The following HMSD variants were observed in gnomAD, a reference collection of about 807,000 sequenced individuals.
The protein encoded by HMSD is histocompatibility minor serpin domain containing.
Under a neutral mutation model 10.0 loss-of-function variants are expected in HMSD, and 13 were observed. That is an observed-to-expected ratio of 1.31 (90% CI 0.85 to 2.08). HMSD has a LOEUF of 2.08. Among genes scored for constraint, HMSD ranks in the 30% most tolerant of loss-of-function variants. The pLI is 0.00. For missense variants in HMSD, 169 were observed against 166.3 expected (o/e 1.02, Z -0.09); for synonymous variants, 51 against 54.2 (o/e 0.94, Z 0.26).
chr18:63,966,971 T>C (rs2050412350), intron 3 of HMSD: 1 of 152,254 alleles, frequency 6.6e-6, no homozygotes, highest in African/African-American at 2.4e-5. Flanking sequence ...GAAGCAAGTG[T>C]GTTTTGTTTT....
At position 63,960,353 on chromosome 18, in the gene HMSD, T is replaced by C. The variant is rs746081947; in HGVS notation, c.418T>C (p.Ter140GlnextTer39). ...IVSSLQNCQI[*>Q] Reference sequence around the variant, plus strand: ...CAGTTCTTTACAAAACTGTCAAATATAAAAAGGAGTCCTTTTTTCTCTAAA... The same window carrying C: ...CAGTTCTTTACAAAACTGTCAAATACAAAAAGGAGTCCTTTTTTCTCTAAA... Residue 140 changes from the stop codon to glutamine, a stop_lost, in exon 4 of 4, where the codon TAA becomes CAA. Transcript: ENST00000408945. 24 of 1,572,634 alleles carry C rather than the reference T, an allele frequency of 1.5e-5. No homozygotes were observed. Among genetic ancestry groups the C allele is most frequent in the South Asian group, 2.4e-5 (2 of 84,520 alleles).
chr18:63,963,081 CTTTCTTTCTT>C (rs1486357163), downstream of HMSD, among the ~76,000 whole-genome samples: 283 of 78,542 alleles, frequency 3.6e-3, 2 homozygotes, highest in Middle Eastern at 0.013. Flanking sequence ...CTCTTTCTTT[CTTTCTTTCTT>C]TCTTTCTTTC....
chr18:63,952,196 G>A (rs968015339), intron 1 of HMSD, among the ~76,000 whole-genome samples: 2 of 150,558 alleles, frequency 1.3e-5, no homozygotes, highest in Non-Finnish European at 3.0e-5. Context: ...GCTAGATGAC[G>A]AGTTAGTGGG....
Position 63,950,306 on chromosome 18 carries a change from C to T in HMSD, c.-103+906C>T, listed in dbSNP as rs2050322673. The stretch of plus-strand genomic sequence containing the variant: ...TGACATGGGCCTGTAGTCCCAGCTA[C>T]TCAGGAGGCTGAGGCAGAAGAATCG... On this transcript the variant is annotated intron_variant, in intron 1 of 3. Transcript: ENST00000408945. Among the ~76,000 whole-genome samples the T allele has an allele frequency of 2.0e-5, 3 of 149,396 alleles. No individual in the cohort carries two copies. In the South Asian group the frequency reaches 6.4e-4, roughly 32 times the overall value.
At chr18:63,962,890 T>C (rs892934408), downstream of HMSD, among the ~76,000 whole-genome samples, 1 of 152,006 alleles carries the variant, frequency 6.6e-6, no homozygotes, top group Non-Finnish European at 1.5e-5. Flanking sequence ...GAGGGAGGTT[T>C]CCAGTCCTGA....
chr18:63,959,620 G>A (rs754467121), intron 3 of HMSD, among the ~76,000 whole-genome samples: 37 of 152,276 alleles, frequency 2.4e-4, no homozygotes, highest in Non-Finnish European at 4.3e-4. Context: ...ACTCTTGTTG[G>A]ATGAAGTAGT....
chr18:63,958,662 A>G (rs183291457), intron 3 of HMSD, among the ~76,000 whole-genome samples: 61 of 152,284 alleles, frequency 4.0e-4, no homozygotes, highest in Middle Eastern at 6.8e-3. Context: ...AATGCTATGC[A>G]TTATGTACAT....
chr18:63,965,960 G>A (rs901756661), downstream of HMSD, among the ~76,000 whole-genome samples: 1 of 152,122 alleles, frequency 6.6e-6, no homozygotes, highest in Non-Finnish European at 1.5e-5. Flanking sequence ...AGGCACATGC[G>A]AAGAGGGACC....
intron 3 of HMSD, among the ~76,000 whole-genome samples, chr18:63,967,655 G>A (rs1301311062): frequency 6.6e-6 from 1 of 152,152 alleles, no homozygotes; most frequent in Non-Finnish European, 1.5e-5. Context: ...ACAAAACTAG[G>A]TCAAGGTTGA....
In HMSD at chr18:63,953,520, T is replaced by A; in HGVS notation, c.65T>A (p.Met22Lys). 1 of 1,613,712 alleles carries A rather than the reference T, an allele frequency of 6.2e-7. No individual in the cohort carries two copies. Among genetic ancestry groups the A allele is most frequent in the Non-Finnish European group, 8.5e-7 (1 of 1,179,624 alleles). The change falls in exon 2 of 4, where the codon ATG (methionine) becomes AAG (lysine). Residue 22 changes from methionine (M) to lysine (K), a missense_variant. Coordinates refer to ENST00000408945, the MANE Select transcript of HMSD (RefSeq NM_001123366.2). ...GCAAAGGGAAACACTGCAGCTCAGATGTCTCAGGTACGTAAAGCCACTTCA... is the reference window on the plus strand; with the variant it reads ...GCAAAGGGAAACACTGCAGCTCAGAAGTCTCAGGTACGTAAAGCCACTTCA... Reference protein sequence around the residue: ...MGAKGNTAAQMSQALCFSKIG... With the variant: ...MGAKGNTAAQKSQALCFSKIG...
Position 63,961,448 on chromosome 18 carries a change from C to T in HMSD, c.*1093C>T, listed in dbSNP as rs184421316. 6 of 152,348 alleles carry T rather than the reference C, an allele frequency of 3.9e-5. No homozygotes were observed. The highest frequency in any genetic ancestry group is 8.8e-5 in the Non-Finnish European group (6 of 68,036). 9.4% of individuals were successfully genotyped at this position (152,348 alleles called of 1,614,324 possible). ...TTCTGTCTTGTAAAGCCTGAAAGCT[C>T]ATGTGCTGCCTTGACATCTATGGGC... On this transcript the variant is annotated 3_prime_UTR_variant, in exon 4 of 4. Coordinates refer to ENST00000408945, the MANE Select transcript of HMSD (RefSeq NM_001123366.2).
At chr18:63,964,017 C>A (rs1005465516), downstream of HMSD, among the ~76,000 whole-genome samples, 3 of 152,192 alleles carry the variant, frequency 2.0e-5, no homozygotes, top group Admixed American at 2.0e-4. Flanking sequence ...GCAACTATAT[C>A]CCTACCAGGC....
rs1223010167 is a variant in HMSD, at chr18:63,949,342, A to T, written c.-161A>T. The T allele has an allele frequency of 6.6e-6, 1 of 152,220 alleles. No homozygotes were observed. Among genetic ancestry groups the T allele is most frequent in the African/African-American group, 2.4e-5 (1 of 41,402 alleles). The allele number at this position is 152,220 out of a possible 1,614,324, so 9.4% of individuals were successfully genotyped here. A position where few individuals can be genotyped will look rare whatever the true frequency, so the allele number is the denominator to read the frequency against. Reference sequence around the variant, plus strand: ...CACCCGGCGCCGCTCAGACATCTCTATTCCCGCCTCTCCGACCCGGTCTCA... The same window carrying T: ...CACCCGGCGCCGCTCAGACATCTCTTTTCCCGCCTCTCCGACCCGGTCTCA... On this transcript the variant is annotated 5_prime_UTR_variant, in exon 1 of 4. Transcript: ENST00000408945.
chr18:63,959,591 T>C (rs1188347099), intron 3 of HMSD, among the ~76,000 whole-genome samples: 4 of 152,208 alleles, frequency 2.6e-5, no homozygotes, highest in African/African-American at 9.6e-5. Flanking sequence ...CATGTAAGCT[T>C]GAGAAGAATA....
intron 3 of HMSD, among the ~76,000 whole-genome samples, chr18:63,957,922 T>G (rs1038040550): frequency 1.3e-5 from 2 of 152,196 alleles, no homozygotes; most frequent in Non-Finnish European, 2.9e-5. Context: ...TTGCCACACT[T>G]TGTCAAATAG....
intron 3 of HMSD, among the ~76,000 whole-genome samples, chr18:63,967,253 G>A (rs2050413860): frequency 6.6e-6 from 1 of 152,108 alleles, no homozygotes; most frequent in South Asian, 2.1e-4. Flanking sequence ...CTGCTTCAGT[G>A]CCCCCTAGTA....
chr18:63,955,446 A>G (rs2050353098), intron 3 of HMSD, among the ~76,000 whole-genome samples: 1 of 152,104 alleles, frequency 6.6e-6, no homozygotes, highest in South Asian at 2.1e-4. Flanking sequence ...GCATATGTGT[A>G]TGAGTTACTA....
chr18:63,965,859 T>G (rs957937124), downstream of HMSD, among the ~76,000 whole-genome samples: 8 of 152,316 alleles, frequency 5.3e-5, 1 homozygote, highest in African/African-American at 1.9e-4. Flanking sequence ...TTTTGTGCTA[T>G]GTCAAAAGAC....
downstream of HMSD, chr18:63,966,308 A>G (rs1037911764): frequency 2.6e-5 from 4 of 152,248 alleles, no homozygotes; most frequent in African/African-American, 9.6e-5. Context: ...ATGTTAATGA[A>G]AAATGACAGA....
Sources: allele counts gnomAD v4.1 joint callset (sites outside exome capture counted in the v4.1 genomes callset), GRCh38; gene constraint gnomAD v4.1.1; transcripts MANE v1.5; gene names NCBI Gene and HGNC (gene_info 2026-07-23, HGNC 2026-07-21).